XXYLT1: variants seen among roughly 807,000 people sequenced by gnomAD.
The protein encoded by XXYLT1 is UDP-xylose:alpha-xyloside alpha-1,3-xylosyltransferase.
Under a neutral mutation model 28.9 loss-of-function variants are expected in XXYLT1, and 20 were observed. That is an observed-to-expected ratio of 0.69 (90% CI 0.49 to 1.00). XXYLT1 has a LOEUF of 1.00. XXYLT1 is among the 50% of genes least tolerant of loss of function. XXYLT1 has a pLI of 0.00. For missense variants in XXYLT1, 542 were observed against 560.1 expected, an observed-to-expected ratio of 0.97 and a Z score of 0.33; for synonymous variants, 257 against 253.8, an observed-to-expected ratio of 1.01 and a Z score of -0.12.
At chr3:195,172,344 A>G (rs1329751311) in intron 2 of XXYLT1, among the ~76,000 whole-genome samples, 2 of 152,222 alleles carry the variant, frequency 1.3e-5, no homozygotes, top group East Asian at 1.9e-4. Context: ...CACTGCCCCA[A>G]GAAGTTACCA....
At chr3:195,184,481 A>T (rs923785445) in intron 2 of XXYLT1, among the ~76,000 whole-genome samples, 1 of 152,220 alleles carries the variant, frequency 6.6e-6, no homozygotes, top group Non-Finnish European at 1.5e-5. Flanking sequence ...TGAAACCATG[A>T]TTAAAATCCC....
intron 3 of XXYLT1, among the ~76,000 whole-genome samples, chr3:195,108,907 C>T (rs9875441): frequency 0.69 from 104,419 of 151,972 alleles, 36,194 homozygotes; most frequent in Middle Eastern, 0.72. Context: ...CTGGTAACGT[C>T]ACGTCCCACA....
chr3:195,230,670 G>A (rs1724263099), intron 1 of XXYLT1, among the ~76,000 whole-genome samples: 1 of 152,116 alleles, frequency 6.6e-6, no homozygotes, highest in South Asian at 2.1e-4. Context: ...TGGAACCATT[G>A]TCAAATATGA....
At chr3:195,163,235 T>C (rs991085369) in intron 2 of XXYLT1, among the ~76,000 whole-genome samples, 1 of 152,246 alleles carries the variant, frequency 6.6e-6, no homozygotes, top group African/African-American at 2.4e-5. Context: ...AGTGCAACTT[T>C]TCAAATTCTC....
At chr3:195,222,776 T>C (rs1039885943) in intron 2 of XXYLT1, among the ~76,000 whole-genome samples, 4 of 152,148 alleles carry the variant, frequency 2.6e-5, no homozygotes, top group Non-Finnish European at 1.5e-5. Flanking sequence ...CATAGCTTCA[T>C]TTGTACAATT....
intron 2 of XXYLT1, among the ~76,000 whole-genome samples, chr3:195,185,096 AGG>A (rs1312160810): frequency 2.3e-5 from 1 of 43,802 alleles, no homozygotes; most frequent in Non-Finnish European, 4.8e-5. Flanking sequence ...GAAGGAAGGA[AGG>A]AAGGAAGGAA....
intron 3 of XXYLT1, among the ~76,000 whole-genome samples, chr3:195,071,129 G>A (rs1206042982): frequency 6.6e-6 from 1 of 151,964 alleles, no homozygotes; most frequent in East Asian, 1.9e-4. Context: ...CACACCCACA[G>A]AGGAGGGGCC....
intron 2 of XXYLT1, among the ~76,000 whole-genome samples, chr3:195,177,374 T>C (rs975790498): frequency 1.2e-4 from 19 of 152,176 alleles, no homozygotes; most frequent in Admixed American, 9.8e-4. Context: ...CAAGATTCTC[T>C]CTTGACTCTT....
chr3:195,216,621 G>A (rs1205698414), intron 2 of XXYLT1, among the ~76,000 whole-genome samples: 2 of 149,224 alleles, frequency 1.3e-5, no homozygotes, highest in Admixed American at 6.7e-5. Flanking sequence ...GGAAGAAGTT[G>A]AATCTCTGAA....
rs866210941 is a variant in XXYLT1 at position 195,119,505 on chromosome 3, C to T, written c.785+36944G>A. Among the ~76,000 whole-genome samples the T allele has an allele frequency of 2.6e-5, 4 of 152,066 alleles. No homozygotes were observed. The South Asian group carries it at 8.3e-4, about 32-fold the overall frequency. On this transcript the variant is annotated intron_variant, in intron 3 of 3. Transcript: ENST00000310380. ...TGATAACATGAGCCACTTTTCCCAA[C>T]AAGAAGACAGAAAGAATGGATCAGA...
intron 3 of XXYLT1, among the ~76,000 whole-genome samples, chr3:195,138,205 G>A (rs1560114188): frequency 6.6e-6 from 1 of 152,154 alleles, no homozygotes; most frequent in Non-Finnish European, 1.5e-5. Flanking sequence ...TCCTGCTAGG[G>A]ACTTCAGTTC....
rs1299288551 is a variant in XXYLT1, at chr3:195,176,188, C to G, written c.653-19607G>C. The stretch of plus-strand genomic sequence containing the variant: ...CCTCCCACCTCAGCCTCCCAAGTGG[C>G]TGGGACTACAGGTGTGTACCACCAT... On this transcript the variant is annotated intron_variant, in intron 2 of 3. Coordinates refer to ENST00000310380, the MANE Select transcript of XXYLT1 (RefSeq NM_152531.5). This position sits in a 1 kb window ranked among gnomAD's most constrained non-coding sequence, Gnocchi z 4.9. Among the ~76,000 whole-genome samples, 1 of 152,196 alleles carries G rather than the reference C, an allele frequency of 6.6e-6. No individual in the cohort carries two copies. Among genetic ancestry groups the G allele is most frequent in the Non-Finnish European group, 1.5e-5 (1 of 68,024 alleles).
intron 1 of XXYLT1, among the ~76,000 whole-genome samples, chr3:195,236,277 T>C (rs1724543682): frequency 6.6e-6 from 1 of 152,004 alleles, no homozygotes; most frequent in Non-Finnish European, 1.5e-5. Flanking sequence ...GGTGCTCTAT[T>C]CTACTGCGGT....
intron 2 of XXYLT1, chr3:195,183,753 C>T (rs1722057052): frequency 6.6e-6 from 1 of 152,390 alleles, no homozygotes; most frequent in Non-Finnish European, 1.5e-5. Flanking sequence ...GAGCCCAGAA[C>T]CCAACTGTTA....
intron 3 of XXYLT1, among the ~76,000 whole-genome samples, chr3:195,098,837 A>G (rs12635954): frequency 0.2 from 30,309 of 151,912 alleles, 3,431 homozygotes; most frequent in East Asian, 0.53. Context: ...TACGGGTGGG[A>G]CCCTCCCTGG....
chr3:195,179,296 C>T (rs1319370825), intron 2 of XXYLT1, among the ~76,000 whole-genome samples: 6 of 149,906 alleles, frequency 4.0e-5, no homozygotes, highest in African/African-American at 7.4e-5. Flanking sequence ...GCCGAGATCG[C>T]GCCACTGCAC....
rs571373813 is a variant in XXYLT1, at chr3:195,118,690, C to G, written c.785+37759G>C. Among the ~76,000 whole-genome samples, 13 of 152,322 alleles carry G rather than the reference C, an allele frequency of 8.5e-5. No homozygotes were observed. In the South Asian group the frequency reaches 2.7e-3, roughly 32 times the overall value. On this transcript the variant is annotated intron_variant, in intron 3 of 3. Coordinates refer to ENST00000310380, the MANE Select transcript of XXYLT1 (RefSeq NM_152531.5). The stretch of plus-strand genomic sequence containing the variant: ...AGGGACTGCAAAGGGAGAAATGAAC[C>G]ATGGTGAGTTAAATCTCATTAATGC...
chr3:195,131,248 C>T (rs1018300759), intron 3 of XXYLT1, among the ~76,000 whole-genome samples: 5 of 152,228 alleles, frequency 3.3e-5, no homozygotes, highest in Non-Finnish European at 5.9e-5. Flanking sequence ...ACCCTCTTTC[C>T]GTCTCCCCAT....
chr3:195,169,984 G>A (rs1721324563), intron 2 of XXYLT1, among the ~76,000 whole-genome samples: 1 of 97,712 alleles, frequency 1.0e-5, no homozygotes, highest in Non-Finnish European at 2.2e-5. Flanking sequence ...TCCTGCCTCA[G>A]CCTTCCAAGT....
Sources: gnomAD v4.1 joint callset for allele counts (sites outside exome capture counted in the v4.1 genomes callset) on GRCh38, gnomAD v4.1.1 for gene constraint, Gnocchi (gnomAD v3.1) non-coding constraint, MANE v1.5 for transcripts, NCBI Gene and HGNC (gene_info 2026-07-23, HGNC 2026-07-21) for gene names.